The following PARD3 variants were observed in gnomAD, a reference collection of about 807,000 sequenced individuals.
The protein encoded by PARD3 is partitioning defective 3 homolog.
In PARD3, 75 loss-of-function variants were observed where a neutral mutation model predicts 155.4. The ratio of observed to expected loss-of-function variants is 0.48; its 90% CI spans 0.40 to 0.58. The LOEUF is 0.58. PARD3 is among the 20% of genes least tolerant of loss of function. PARD3 has a pLI of 0.00. For synonymous variants in PARD3, 576 were observed against 610.5 expected (o/e 0.94, Z 0.83); for missense variants, 1,642 against 1,721.7 (o/e 0.95, Z 0.82).
intron 2 of PARD3, among the ~76,000 whole-genome samples, chr10:34,622,955 C>CT (rs1247281711): frequency 1.3e-5 from 2 of 148,406 alleles, no homozygotes; most frequent in Non-Finnish European, 3.0e-5. Context: ...CCATGTGTGT[C>CT]TTTTTTTCCT....
Position 34,145,015 on chromosome 10 carries a change from T to C in PARD3, c.3420-13432A>G, listed in dbSNP as rs183699560. Among the ~76,000 whole-genome samples the C allele has an allele frequency of 6.3e-3, 963 of 151,968 alleles. 10 individuals carry two copies. The highest frequency in any genetic ancestry group is 0.021 in the African/African-American group (887 of 41,442). ...ATTTTGCGTTTGCATGCTTTAAATGTATGTATTCTATCATTACCACTCACT... is the reference window on the plus strand; with the variant it reads ...ATTTTGCGTTTGCATGCTTTAAATGCATGTATTCTATCATTACCACTCACT... On this transcript the variant is annotated intron_variant, in intron 22 of 24. Coordinates refer to ENST00000374788, the MANE Select transcript of PARD3 (RefSeq NM_001184785.2).
chr10:34,681,167 A>C (rs77315042), intron 2 of PARD3, among the ~76,000 whole-genome samples: 3,105 of 152,276 alleles, frequency 0.02, 104 homozygotes, highest in African/African-American at 0.071. Flanking sequence ...TTGAGAACAC[A>C]GCAACTTGAC....
chr10:34,147,792 C>T (rs1948590871), intron 22 of PARD3, among the ~76,000 whole-genome samples: 1 of 152,032 alleles, frequency 6.6e-6, no homozygotes, highest in African/African-American at 2.4e-5. Flanking sequence ...TATTACCCAG[C>T]CAAGGTGCTG....
intron 14 of PARD3, among the ~76,000 whole-genome samples, chr10:34,358,001 C>T (rs984941717): frequency 6.6e-6 from 1 of 152,122 alleles, no homozygotes; most frequent in Non-Finnish European, 1.5e-5. Context: ...TTAAGAAAAA[C>T]TCTTAAACAA....
At chr10:34,127,965 C>T (rs913194150) in intron 23 of PARD3, among the ~76,000 whole-genome samples, 3 of 152,182 alleles carry the variant, frequency 2.0e-5, no homozygotes, top group Non-Finnish European at 4.4e-5. Context: ...GGGAATGACT[C>T]AATGTACTTG....
At chr10:34,133,906 G>C (rs1183529238) in intron 22 of PARD3, among the ~76,000 whole-genome samples, 1 of 152,104 alleles carries the variant, frequency 6.6e-6, no homozygotes, top group African/African-American at 2.4e-5. Flanking sequence ...AGAATATACT[G>C]TCAATACATT....
At chr10:34,306,375 G>A (rs771614697) in intron 20 of PARD3, among the ~76,000 whole-genome samples, 5 of 152,112 alleles carry the variant, frequency 3.3e-5, no homozygotes, top group Non-Finnish European at 7.4e-5. Flanking sequence ...AACCGGGCCA[G>A]GCGTGGCAGC....
chr10:34,524,683 C>T (rs2082360018), intron 2 of PARD3, among the ~76,000 whole-genome samples: 1 of 152,172 alleles, frequency 6.6e-6, no homozygotes, highest in African/African-American at 2.4e-5. Context: ...TGGTATCCAC[C>T]CATGAGGTTA....
chr10:34,805,673 T>A (rs1411390856), intron 1 of PARD3, among the ~76,000 whole-genome samples: 1 of 151,478 alleles, frequency 6.6e-6, no homozygotes, highest in East Asian at 2.0e-4. Flanking sequence ...GATACTTACC[T>A]TGAGACAATA....
rs761258067 is a variant in PARD3 at position 34,470,065 on chromosome 10, A to G, written c.582+20T>C. On this transcript the variant is annotated intron_variant, in intron 4 of 24. Transcript: ENST00000374788. ...GTCAGGAGGGGCAAGAGACAGCAGCAAACAAGCAGAGGTGGTTACCTTCCT... is the reference window on the plus strand; with the variant it reads ...GTCAGGAGGGGCAAGAGACAGCAGCGAACAAGCAGAGGTGGTTACCTTCCT... 17 of 1,568,740 alleles carry G rather than the reference A, an allele frequency of 1.1e-5. No homozygotes were observed. The highest frequency in any genetic ancestry group is 1.5e-5 in the Non-Finnish European group (17 of 1,154,570).
intron 3 of PARD3, among the ~76,000 whole-genome samples, chr10:34,512,434 G>A (rs921680722): frequency 1.2e-4 from 19 of 152,088 alleles, no homozygotes; most frequent in Admixed American, 2.6e-4. Flanking sequence ...TGTCTCCTAG[G>A]CCCTCTGGCC....
At chr10:34,329,815 A>C (rs748985399) in intron 19 of PARD3, among the ~76,000 whole-genome samples, 2 of 152,198 alleles carry the variant, frequency 1.3e-5, no homozygotes, top group Non-Finnish European at 2.9e-5. Context: ...CCTCTAAGTT[A>C]TGCTTCGCAT....
intron 3 of PARD3, among the ~76,000 whole-genome samples, chr10:34,489,044 A>G (rs2079687421): frequency 6.6e-6 from 1 of 152,232 alleles, no homozygotes; most frequent in African/African-American, 2.4e-5. Flanking sequence ...TCTTCCAAAG[A>G]CAAATATCTA....
intron 22 of PARD3, among the ~76,000 whole-genome samples, chr10:34,218,002 T>C (rs921383191): frequency 6.6e-6 from 1 of 152,144 alleles, no homozygotes; most frequent in Non-Finnish European, 1.5e-5. Flanking sequence ...TCTGGGCTCA[T>C]GTTTGTGACC....
chr10:34,445,675 G>A (rs2132711394), intron 5 of PARD3, among the ~76,000 whole-genome samples: 1 of 151,732 alleles, frequency 6.6e-6, no homozygotes, highest in East Asian at 1.9e-4. Context: ...CTTAAAAACA[G>A]GTCTACAATG....
chr10:34,543,648 G>A (rs2083816176), intron 2 of PARD3, among the ~76,000 whole-genome samples: 1 of 152,148 alleles, frequency 6.6e-6, no homozygotes, highest in Non-Finnish European at 1.5e-5. Flanking sequence ...TTAAGTTAGA[G>A]GTTTTGTCAA....
At chr10:34,513,797 G>A (rs541783951) in intron 3 of PARD3, among the ~76,000 whole-genome samples, 1 of 152,296 alleles carries the variant, frequency 6.6e-6, no homozygotes, top group African/African-American at 2.4e-5. Flanking sequence ...CATCTGGGCT[G>A]CAGAGTTCTC....
At chr10:34,237,614 T>A (rs1012946158) in intron 22 of PARD3, among the ~76,000 whole-genome samples, 3 of 152,186 alleles carry the variant, frequency 2.0e-5, no homozygotes, top group Non-Finnish European at 4.4e-5. Flanking sequence ...TCCTGACACA[T>A]CTTTTGATTA....
intron 22 of PARD3, among the ~76,000 whole-genome samples, chr10:34,265,387 C>T (rs1202925664): frequency 6.6e-6 from 1 of 152,134 alleles, no homozygotes; most frequent in African/African-American, 2.4e-5. Flanking sequence ...CTACCAGATC[C>T]ATATTTCTGA....
Sources: gnomAD v4.1 joint callset for allele counts (sites outside exome capture counted in the v4.1 genomes callset) on GRCh38, gnomAD v4.1.1 for gene constraint, MANE v1.5 for transcripts, NCBI Gene and HGNC (gene_info 2026-07-23, HGNC 2026-07-21) for gene names.